Variants in MEIOB observed in about 807,000 individuals in gnomAD.
MEIOB encodes the protein meiosis specific with OB-fold.
In MEIOB, 50 loss-of-function variants were observed where a neutral mutation model predicts 53.1. The observed-to-expected ratio is 0.94, with a 90% CI of 0.75 to 1.19. The LOEUF is 1.19. MEIOB is among the 50% of genes most tolerant of loss of function. The pLI is 0.00. For missense variants in MEIOB, 551 were observed against 550.8 expected (o/e 1.00, Z 0.00); for synonymous variants, 192 against 182.5 (o/e 1.05, Z -0.42).
intron 3 of MEIOB, among the ~76,000 whole-genome samples, chr16:1,863,116 G>T (rs1209755064): frequency 6.6e-6 from 1 of 151,886 alleles, no homozygotes; most frequent in Non-Finnish European, 1.5e-5. Flanking sequence ...CAGCTACTTG[G>T]GAGGCTGAGG....
intron 3 of MEIOB, among the ~76,000 whole-genome samples, chr16:1,864,714 C>T (rs1213864955): frequency 6.6e-6 from 1 of 152,032 alleles, no homozygotes; most frequent in African/African-American, 2.4e-5. Context: ...TCCCAAACTC[C>T]TGACCTCAGG....
chr16:1,844,281 C>G (rs1453789393), intron 10 of MEIOB, among the ~76,000 whole-genome samples: 4 of 151,574 alleles, frequency 2.6e-5, no homozygotes, highest in Non-Finnish European at 5.9e-5. Flanking sequence ...CCCTACCATG[C>G]CTGGCTCATT....
chr16:1,848,005 T>A (rs566558338), intron 9 of MEIOB, among the ~76,000 whole-genome samples: 4 of 152,130 alleles, frequency 2.6e-5, no homozygotes, highest in African/African-American at 9.7e-5. Context: ...TGCAGTGCAG[T>A]GGCATGAACA....
chr16:1,846,948 A>G (rs1405634219), intron 9 of MEIOB, among the ~76,000 whole-genome samples: 1 of 145,306 alleles, frequency 6.9e-6, no homozygotes, highest in East Asian at 2.0e-4. Flanking sequence ...CGAGGTCAGG[A>G]GATCAAGACC....
At chr16:1,835,536 G>T (rs186938) in intron 13 of MEIOB, among the ~76,000 whole-genome samples, 66,995 of 151,942 alleles carry the variant, frequency 0.44, 15,323 homozygotes, top group South Asian at 0.65. Context: ...GGGAAAACTG[G>T]GAAAGACTTT....
At chr16:1,857,250 C>T (rs1021288608) in intron 6 of MEIOB, among the ~76,000 whole-genome samples, 1 of 152,200 alleles carries the variant, frequency 6.6e-6, no homozygotes. Flanking sequence ...TGCACCTCAC[C>T]AGCATGGTCC....
chr16:1,847,600 GA>G (rs1370673781), intron 9 of MEIOB, among the ~76,000 whole-genome samples: 3 of 151,160 alleles, frequency 2.0e-5, no homozygotes, highest in Non-Finnish European at 3.0e-5. Flanking sequence ...GAAAAGAGAA[GA>G]GGGGAGGGGA....
chr16:1,848,880 C>A (rs1472303496), intron 9 of MEIOB, among the ~76,000 whole-genome samples: 1 of 152,130 alleles, frequency 6.6e-6, no homozygotes, highest in African/African-American at 2.4e-5. Flanking sequence ...TCAGCCTAGG[C>A]TTCATGGATT....
Position 1,834,165 on chromosome 16 carries a change from G to T in MEIOB, c.*91C>A. 1 of 709,088 alleles carries T rather than the reference G, an allele frequency of 1.4e-6. No individual in the cohort carries two copies. Among genetic ancestry groups the T allele is most frequent in the Non-Finnish European group, 2.4e-6 (1 of 410,968 alleles). The allele number at this position is 709,088 out of a possible 1,614,324, so 43.9% of individuals were successfully genotyped here. ...CATGTTCACCACATGTAAACAAAAT[G>T]CAATTTTCCCCATAATTTTCAAATT... On this transcript the variant is annotated 3_prime_UTR_variant, in exon 14 of 14. Coordinates refer to ENST00000325962, the MANE Select transcript of MEIOB (RefSeq NM_001163560.3).
intron 3 of MEIOB, 107 bp downstream of exon 3, chr16:1,865,671 T>TC (rs1233652330): frequency 1.3e-6 from 1 of 768,094 alleles, no homozygotes; most frequent in Non-Finnish European, 2.1e-6. Flanking sequence ...ACCATTGCTC[T>TC]TAAGGAGTTA....
chr16:1,857,928 T>G lies in MEIOB; in HGVS notation c.335A>C (p.Asn112Thr). 1 of 1,514,582 alleles carries G rather than the reference T, an allele frequency of 6.6e-7. No individual in the cohort carries two copies. 93.8% of individuals were successfully genotyped at this position (1,514,582 alleles called of 1,614,324 possible). The change falls in exon 6 of 14, where the codon AAC becomes ACC. Residue 112 changes from asparagine (N) to threonine (T), a missense_variant and splice_region_variant. By Grantham distance (65) the Asn-to-Thr change is moderately conservative. Coordinates refer to ENST00000325962, the MANE Select transcript of MEIOB (RefSeq NM_001163560.3). ...ATTCTCACTGAGCAACAGTTTACAG[T>G]TGCTAAATTGCAAAAACACAAGAAA... ...EEKFSPATPS[N>T]CKLLLSENHS...
At chr16:1,850,364 A>T (rs566441923) in intron 9 of MEIOB, among the ~76,000 whole-genome samples, 33 of 149,372 alleles carry the variant, frequency 2.2e-4, no homozygotes, top group Admixed American at 4.7e-4. Context: ...GGATCACTGG[A>T]GCCCAGAAGT....
chr16:1,849,454 G>A (rs953046975), intron 9 of MEIOB, among the ~76,000 whole-genome samples: 7 of 144,982 alleles, frequency 4.8e-5, no homozygotes, highest in African/African-American at 1.3e-4. Flanking sequence ...GCTGAGGCAG[G>A]AGAATGCTGT....
At chr16:1,868,712 G>C (rs1171430524) in intron 1 of MEIOB, among the ~76,000 whole-genome samples, 2 of 151,616 alleles carry the variant, frequency 1.3e-5, no homozygotes, top group Non-Finnish European at 2.9e-5. Context: ...AAAATTAGCT[G>C]GGCTTGGTGG....
chr16:1,863,001 G>A (rs1899486075), intron 3 of MEIOB, among the ~76,000 whole-genome samples: 2 of 151,726 alleles, frequency 1.3e-5, no homozygotes, highest in South Asian at 4.2e-4. Context: ...AGGTGAGGTA[G>A]GAGAATCACT....
chr16:1,840,454 T>G (rs1898871901), intron 11 of MEIOB, among the ~76,000 whole-genome samples: 1 of 152,152 alleles, frequency 6.6e-6, no homozygotes, highest in Non-Finnish European at 1.5e-5. Flanking sequence ...TTGAATGGTG[T>G]TGATATCCTG....
chr16:1,845,991 C>A (rs1899018787), intron 9 of MEIOB, among the ~76,000 whole-genome samples: 1 of 152,216 alleles, frequency 6.6e-6, no homozygotes, highest in Non-Finnish European at 1.5e-5. Flanking sequence ...CCTACCTGTT[C>A]TTTCTCAGAA....
At chr16:1,867,320 CAA>C (rs1899617624) in intron 2 of MEIOB, among the ~76,000 whole-genome samples, 1 of 152,038 alleles carries the variant, frequency 6.6e-6, no homozygotes, top group African/African-American at 2.4e-5. Context: ...AACTCCTACT[CAA>C]AGAGTCAATT....
Position 1,839,351 on chromosome 16 carries a change from GAGAA to G in MEIOB, c.1118_1121del (p.Phe373SerfsTer6), listed in dbSNP as rs2142076836. 1 of 1,614,162 alleles carries G rather than the reference GAGAA, an allele frequency of 6.2e-7. No homozygotes were observed. On this transcript the variant is annotated frameshift_variant, in exon 12 of 14. Coordinates refer to ENST00000325962, the MANE Select transcript of MEIOB (RefSeq NM_001163560.3). LOFTEE classifies it high-confidence loss of function. ...TCAGATCAATCAGCACATGGAAACT[GAGAA>G]AGACAGATTTAAAGTCCAAGGAGTT...
Sources: gnomAD v4.1 joint callset for allele counts (sites outside exome capture counted in the v4.1 genomes callset) on GRCh38, gnomAD v4.1.1 for gene constraint, MANE v1.5 for transcripts, NCBI Gene and HGNC (gene_info 2026-07-23, HGNC 2026-07-21) for gene names.